The following GALNT18 variants were observed in gnomAD, a reference collection of about 807,000 sequenced individuals.
The protein encoded by GALNT18 is polypeptide N-acetylgalactosaminyltransferase 18, also known as GalNAc-transferase 18.
Under a neutral mutation model 69.5 loss-of-function variants are expected in GALNT18, and 44 were observed. That is an observed-to-expected ratio of 0.63 (90% CI 0.50 to 0.81). The LOEUF (loss-of-function observed/expected upper bound fraction) is 0.81, where lower values mean the gene tolerates loss of function less well. Among genes scored for constraint, GALNT18 ranks in the 40% least tolerant of loss-of-function variants. The pLI is 0.00. For missense variants in GALNT18, 715 were observed against 810.0 expected (o/e 0.88, Z 1.42); for synonymous variants, 364 against 318.2 (o/e 1.14, Z -1.53).
Position 11,387,868 on chromosome 11 carries a change from C to T in GALNT18, c.596-8604G>A, listed in dbSNP as rs1381959383. 5.3e-5 allele frequency among the ~76,000 whole-genome samples: 8 copies of T among 152,186 alleles called. No homozygotes were observed. The highest frequency in any genetic ancestry group is 1.9e-4 in the African/African-American group (8 of 41,438). On this transcript the variant is annotated intron_variant, in intron 3 of 10. Coordinates refer to ENST00000227756, the MANE Select transcript of GALNT18 (RefSeq NM_198516.3). The surrounding 1 kb of genome is among the most constrained non-coding windows in gnomAD (Gnocchi z 4.6). ...CGGAGAGCTCCGGGCAGCATTGCTG[C>T]GTGTATTCCTCTGTCTTGAAGATCA...
chr11:11,592,356 A>G lies in GALNT18; in HGVS notation c.235+29003T>C, dbSNP rs1251012341. Among the ~76,000 whole-genome samples the G allele has an allele frequency of 6.6e-6, 1 of 152,252 alleles. No individual in the cohort carries two copies. The highest frequency in any genetic ancestry group is 1.5e-5 in the Non-Finnish European group (1 of 68,036). On this transcript the variant is annotated intron_variant, in intron 1 of 10. Coordinates refer to ENST00000227756, the MANE Select transcript of GALNT18 (RefSeq NM_198516.3). The surrounding 1 kb of genome is among the most constrained non-coding windows in gnomAD (Gnocchi z 5.9). The stretch of plus-strand genomic sequence containing the variant: ...GTCCAGCAGACAAAAACATATTGAC[A>G]TGCTGTTCCTGCAAGGAAGTGGACT...
At chr11:11,384,078 A>T (rs958240117) in intron 3 of GALNT18, among the ~76,000 whole-genome samples, 3 of 152,070 alleles carry the variant, frequency 2.0e-5, no homozygotes, top group African/African-American at 7.2e-5. Flanking sequence ...GCATGACTTG[A>T]TCATACCTCA....
At chr11:11,579,669 G>A (rs924335212) in intron 1 of GALNT18, among the ~76,000 whole-genome samples, 11 of 151,630 alleles carry the variant, frequency 7.3e-5, no homozygotes, top group African/African-American at 2.4e-4. Flanking sequence ...GAAAGAGCAG[G>A]TACGATTAAG....
At position 11,315,038 on chromosome 11, in the gene GALNT18, A is replaced by ATGTGTG. The variant is rs10537962; in HGVS notation, c.1512+12042_1512+12047dup. ...GCAGAGATGGACACATACTAATTAT[A>ATGTGTG]TGTGTGTGTGTGTGTGTGTGTGTGT... is the stretch of plus-strand genomic sequence containing the variant. On this transcript the variant is annotated intron_variant, in intron 9 of 10. Coordinates refer to ENST00000227756, the MANE Select transcript of GALNT18 (RefSeq NM_198516.3). This position sits in a 1 kb window ranked among gnomAD's most constrained non-coding sequence, Gnocchi z 5.6. Among the ~76,000 whole-genome samples the ATGTGTG allele has an allele frequency of 0.096, 14,373 of 150,114 alleles. 763 individuals are homozygous for ATGTGTG. Among genetic ancestry groups the ATGTGTG allele is most frequent in the Non-Finnish European group, 0.13 (8,506 of 67,518 alleles).
Position 11,448,711 on chromosome 11 carries a change from G to A in GALNT18, c.428+33C>T, listed in dbSNP as rs370241748. On this transcript the variant is annotated intron_variant, in intron 2 of 10. Transcript: ENST00000227756. The stretch of plus-strand genomic sequence containing the variant: ...GGGGACCCCATCTCCCCATAGGCAG[G>A]TCGACAAGGGCCCAGTCACTGACTC... The A allele has an allele frequency of 1.9e-6, 3 of 1,577,530 alleles. No individual in the cohort carries two copies. The African/African-American group carries it at 4.0e-5, about 21-fold the overall frequency.
chr11:11,467,549 G>A (rs1010820268), intron 1 of GALNT18, among the ~76,000 whole-genome samples: 1 of 152,200 alleles, frequency 6.6e-6, no homozygotes, highest in Admixed American at 6.5e-5. Context: ...AGCCATAAAT[G>A]TCCCCAAGGG....
At chr11:11,580,259 A>G (rs1185479083) in intron 1 of GALNT18, among the ~76,000 whole-genome samples, 1 of 152,180 alleles carries the variant, frequency 6.6e-6, no homozygotes, top group Admixed American at 6.5e-5. Flanking sequence ...CGGCAGACTC[A>G]GGGCAAACCT....
rs187978514 is a variant in GALNT18, at chr11:11,343,138, G to A, written c.1093-2134C>T. The stretch of plus-strand genomic sequence containing the variant: ...GTGGGTGGATCACTTGAGCTTGGGA[G>A]TTTGAGACCAGCTTGGGTAACATGG... On this transcript the variant is annotated intron_variant, in intron 6 of 10. Coordinates refer to ENST00000227756, the MANE Select transcript of GALNT18 (RefSeq NM_198516.3). 1.4e-4 allele frequency among the ~76,000 whole-genome samples: 22 copies of A among 152,226 alleles called. No homozygotes were observed. In the East Asian group the frequency reaches 3.9e-3, roughly 27 times the overall value.
chr11:11,284,718 C>CT (rs1849155121), intron 10 of GALNT18, among the ~76,000 whole-genome samples: 2 of 152,138 alleles, frequency 1.3e-5, no homozygotes, highest in Admixed American at 1.3e-4. Context: ...GGGTCTTTGG[C>CT]TTTAAGCATG....
rs1166497194 is a variant in GALNT18, at chr11:11,555,334, G to A, written c.235+66025C>T. ...AGCATTTTCCTGACACAGTGTAAAC[G>A]TTTGCCAGAAACAGGCTTCTCATCT... On this transcript the variant is annotated intron_variant, in intron 1 of 10. Transcript: ENST00000227756. This position sits in a 1 kb window ranked among gnomAD's most constrained non-coding sequence, Gnocchi z 4.7. 2.6e-5 allele frequency among the ~76,000 whole-genome samples: 4 copies of A among 152,308 alleles called. No homozygotes were observed. Among genetic ancestry groups the A allele is most frequent in the South Asian group, 4.1e-4 (2 of 4,828 alleles).
intron 1 of GALNT18, among the ~76,000 whole-genome samples, chr11:11,581,780 G>T (rs1193639283): frequency 6.6e-6 from 1 of 152,148 alleles, no homozygotes; most frequent in Non-Finnish European, 1.5e-5. Flanking sequence ...GATAGAAGCA[G>T]CCAGGCAGGG....
Position 11,613,546 on chromosome 11 carries a change from A to C in GALNT18, c.235+7813T>G, listed in dbSNP as rs372057620. On this transcript the variant is annotated intron_variant, in intron 1 of 10. Transcript: ENST00000227756. The surrounding 1 kb of genome is among the most constrained non-coding windows in gnomAD (Gnocchi z 4.2). The stretch of plus-strand genomic sequence containing the variant: ...TCCTCCTAGCCCTGCCCTAGGGCAC[A>C]TGCCTTGTATGTAGGCCTATGTGTG... 2.6e-5 allele frequency among the ~76,000 whole-genome samples: 4 copies of C among 152,236 alleles called. No individual in the cohort carries two copies. The highest frequency in any genetic ancestry group is 7.2e-5 in the African/African-American group (3 of 41,456).
chr11:11,559,774 G>T (rs1335398327), intron 1 of GALNT18, among the ~76,000 whole-genome samples: 1 of 149,146 alleles, frequency 6.7e-6, no homozygotes, highest in South Asian at 2.1e-4. Flanking sequence ...GGAACAGAAT[G>T]GGATATGATG....
rs1451523780 is a variant in GALNT18, at chr11:11,396,592, T to C, written c.596-17328A>G. Reference sequence around the variant, plus strand: ...GAAGCCAAGCGTGGGGATGATCTCATGGCAATTGCAAAGATTTGCACGCGG... The same window carrying C: ...GAAGCCAAGCGTGGGGATGATCTCACGGCAATTGCAAAGATTTGCACGCGG... On this transcript the variant is annotated intron_variant, in intron 3 of 10. Coordinates refer to ENST00000227756, the MANE Select transcript of GALNT18 (RefSeq NM_198516.3). This position sits in a 1 kb window ranked among gnomAD's most constrained non-coding sequence, Gnocchi z 5.2. Among the ~76,000 whole-genome samples the C allele has an allele frequency of 3.3e-5, 5 of 152,140 alleles. No homozygotes were observed. The highest frequency in any genetic ancestry group is 7.3e-5 in the Non-Finnish European group (5 of 68,030).
At chr11:11,525,743 T>C (rs1857506365) in intron 1 of GALNT18, among the ~76,000 whole-genome samples, 1 of 150,242 alleles carries the variant, frequency 6.7e-6, no homozygotes, top group South Asian at 2.2e-4. Context: ...CAAGCAATTC[T>C]CCTGCCTCAG....
In GALNT18 at chr11:11,293,533, C is replaced by CTTTTTTTT. The variant is rs34166465; in HGVS notation, c.1513-348_1513-341dup. 1.3e-3 allele frequency among the ~76,000 whole-genome samples: 103 copies of CTTTTTTTT among 80,166 alleles called. 8 individuals are homozygous for CTTTTTTTT. Among genetic ancestry groups the CTTTTTTTT allele is most frequent in the African/African-American group, 4.7e-3 (94 of 19,950 alleles). 52.6% of individuals were successfully genotyped at this position (80,166 alleles called of 152,430 possible). ...TTCTTCACCCAGTTTACAAACCCCT[C>CTTTTTTTT]TTTTTTTTTTTTTTTTTTTTTTTTG... is the stretch of plus-strand genomic sequence containing the variant. On this transcript the variant is annotated intron_variant, in intron 9 of 10. Transcript: ENST00000227756.
intron 1 of GALNT18, among the ~76,000 whole-genome samples, chr11:11,481,295 T>TA (rs201752925): frequency 0.96 from 146,645 of 152,204 alleles, 70,845 homozygotes; most frequent in East Asian, 1. Flanking sequence ...TGCTCCTCGC[T>TA]GAGCATGAAT....
rs943701584 is a variant in GALNT18, at chr11:11,586,806, T to C, written c.235+34553A>G. 1.7e-4 allele frequency among the ~76,000 whole-genome samples: 20 copies of C among 117,754 alleles called. No homozygotes were observed. Among genetic ancestry groups the C allele is most frequent in the Admixed American group, 1.0e-4 (1 of 9,800 alleles). The allele number at this position is 117,754 out of a possible 152,430, so 77.3% of individuals were successfully genotyped here. On this transcript the variant is annotated intron_variant, in intron 1 of 10. Coordinates refer to ENST00000227756, the MANE Select transcript of GALNT18 (RefSeq NM_198516.3). The surrounding 1 kb of genome is among the most constrained non-coding windows in gnomAD (Gnocchi z 4.1). ...CTGGCCAACATGGTTAAACACCATC[T>C]CTACTAAAAACACACACACACACAC...
chr11:11,276,278 T>G (rs1036123616), intron 10 of GALNT18, among the ~76,000 whole-genome samples: 1 of 152,188 alleles, frequency 6.6e-6, no homozygotes, highest in Non-Finnish European at 1.5e-5. Context: ...CTAGGTATTT[T>G]ATTCTCTTTG....
Sources: allele counts gnomAD v4.1 joint callset (sites outside exome capture counted in the v4.1 genomes callset), GRCh38; gene constraint gnomAD v4.1.1; non-coding constraint Gnocchi (gnomAD v3.1); transcripts MANE v1.5; gene names NCBI Gene and HGNC (gene_info 2026-07-23, HGNC 2026-07-21).